Variants in GMDS observed in about 807,000 individuals in gnomAD.
GMDS encodes GDP-mannose 4,6 dehydratase.
In GMDS, 20 loss-of-function variants were observed where a neutral mutation model predicts 49.9. That is an observed-to-expected ratio of 0.40 (90% CI 0.28 to 0.58). GMDS has a LOEUF of 0.58. GMDS is among the 20% of genes least tolerant of loss of function. The pLI, the probability that GMDS is intolerant of heterozygous loss-of-function variation, is 0.42. For synonymous variants in GMDS, 177 were observed against 178.6 expected (o/e 0.99, Z 0.07); for missense variants, 362 against 481.4 (o/e 0.75, Z 2.32).
At chr6:1,981,085 A>C (rs1415079173) in intron 4 of GMDS, among the ~76,000 whole-genome samples, 1 of 152,198 alleles carries the variant, frequency 6.6e-6, no homozygotes, top group Non-Finnish European at 1.5e-5. Context: ...CACATCAAAA[A>C]GCTAGAAAGA....
chr6:2,192,658 C>T (rs769027128), intron 1 of GMDS, among the ~76,000 whole-genome samples: 2 of 152,188 alleles, frequency 1.3e-5, no homozygotes, highest in East Asian at 1.9e-4. Flanking sequence ...CTGGTCCAGC[C>T]GCAGCCTCAC....
chr6:1,940,663 G>A (rs1762780482), intron 6 of GMDS, among the ~76,000 whole-genome samples: 1 of 152,212 alleles, frequency 6.6e-6, no homozygotes, highest in Admixed American at 6.5e-5. Flanking sequence ...CTTAAAAGAG[G>A]ACAATTCACA....
intron 7 of GMDS, among the ~76,000 whole-genome samples, chr6:1,879,877 T>C (rs1180065536): frequency 1.3e-5 from 2 of 152,090 alleles, no homozygotes; most frequent in Non-Finnish European, 2.9e-5. Flanking sequence ...TGAACCCTGA[T>C]ACTGTATTTA....
chr6:2,081,036 T>C (rs1328099807), intron 4 of GMDS, among the ~76,000 whole-genome samples: 1 of 152,220 alleles, frequency 6.6e-6, no homozygotes, highest in Admixed American at 6.5e-5. Flanking sequence ...GGCCATTGTA[T>C]GGGCTCATAC....
chr6:2,149,200 A>G (rs1453252430), intron 1 of GMDS, among the ~76,000 whole-genome samples: 2 of 152,234 alleles, frequency 1.3e-5, no homozygotes, highest in East Asian at 1.9e-4. Flanking sequence ...CAGAAAAAAA[A>G]GGTAGGCAAC....
intron 7 of GMDS, among the ~76,000 whole-genome samples, chr6:1,810,078 C>G (rs542482552): frequency 7.2e-5 from 11 of 151,982 alleles, no homozygotes; most frequent in Admixed American, 7.2e-4. Context: ...GCCCCTGAGC[C>G]GGGGGTGGGG....
intron 6 of GMDS, among the ~76,000 whole-genome samples, chr6:1,952,982 C>T (rs771318087): frequency 6.6e-6 from 1 of 152,202 alleles, no homozygotes; most frequent in Non-Finnish European, 1.5e-5. Flanking sequence ...ACATCACCTC[C>T]TCAGTCAGTC....
intron 7 of GMDS, among the ~76,000 whole-genome samples, chr6:1,844,159 T>C (rs1352493887): frequency 1.3e-5 from 2 of 152,220 alleles, no homozygotes; most frequent in Non-Finnish European, 2.9e-5. Flanking sequence ...TAGGGCTTAT[T>C]ATCCCCAAAG....
intron 7 of GMDS, among the ~76,000 whole-genome samples, chr6:1,839,389 T>C (rs1040235448): frequency 2.6e-5 from 4 of 152,230 alleles, no homozygotes; most frequent in Non-Finnish European, 4.4e-5. Flanking sequence ...ATTACTAGCA[T>C]GATCCCTAAC....
chr6:1,810,041 A>G (rs1407845422), intron 7 of GMDS, among the ~76,000 whole-genome samples: 1 of 152,182 alleles, frequency 6.6e-6, no homozygotes, highest in South Asian at 2.1e-4. Context: ...ACGCAGCTCA[A>G]CTACACTGAG....
At chr6:1,889,944 C>T (rs889535675) in intron 7 of GMDS, among the ~76,000 whole-genome samples, 1 of 151,976 alleles carries the variant, frequency 6.6e-6, no homozygotes, top group Non-Finnish European at 1.5e-5. Flanking sequence ...TCCATTAGTG[C>T]TTTTTATGGT....
chr6:1,928,236 G>A (rs1025880525), intron 7 of GMDS, among the ~76,000 whole-genome samples: 3 of 152,132 alleles, frequency 2.0e-5, no homozygotes, highest in Middle Eastern at 3.4e-3. Context: ...GTCGTGGTAC[G>A]CGCCTGTAGT....
chr6:2,154,414 C>T (rs184748683), intron 1 of GMDS, among the ~76,000 whole-genome samples: 3 of 151,980 alleles, frequency 2.0e-5, no homozygotes, highest in Non-Finnish European at 4.4e-5. Context: ...TAATAATTTA[C>T]ATTAACTAAC....
intron 7 of GMDS, among the ~76,000 whole-genome samples, chr6:1,809,458 A>G (rs1179560602): frequency 1.3e-5 from 2 of 152,222 alleles, no homozygotes; most frequent in East Asian, 3.8e-4. Context: ...AAATTGCCAA[A>G]TATTGTCAAT....
At chr6:2,175,980 T>C in intron 1 of GMDS, 1 of 1,534,070 alleles carries the variant, frequency 6.5e-7, no homozygotes, top group Non-Finnish European at 8.7e-7. Context: ...CCCAACAAAC[T>C]GCCTGTGTAC....
intron 7 of GMDS, among the ~76,000 whole-genome samples, chr6:1,838,947 G>A (rs981330798): frequency 2.0e-5 from 3 of 152,188 alleles, no homozygotes; most frequent in Admixed American, 1.3e-4. Context: ...ACATGCCCAT[G>A]TAAGGATGCT....
Position 2,191,918 on chromosome 6 carries a change from G to C in GMDS, c.102+53403C>G, listed in dbSNP as rs1038402907. Among the ~76,000 whole-genome samples the C allele has an allele frequency of 1.3e-5, 2 of 152,296 alleles. No individual in the cohort carries two copies. The highest frequency in any genetic ancestry group is 4.1e-4 in the South Asian group (2 of 4,830). On this transcript the variant is annotated intron_variant, in intron 1 of 10. Coordinates refer to ENST00000380815, the MANE Select transcript of GMDS (RefSeq NM_001500.4). This position sits in a 1 kb window ranked among gnomAD's most constrained non-coding sequence, Gnocchi z 4.6. ...ACCAGTCCCACAGACCACACTGCAGGCTTATGGTGACTTTTCTGGGCCTGC... is the reference window on the plus strand; with the variant it reads ...ACCAGTCCCACAGACCACACTGCAGCCTTATGGTGACTTTTCTGGGCCTGC...
intron 1 of GMDS, among the ~76,000 whole-genome samples, chr6:2,144,629 A>T (rs1042631348): frequency 1.9e-4 from 29 of 152,236 alleles, no homozygotes; most frequent in Admixed American, 6.5e-5. Context: ...TGTATCTCAA[A>T]GGCATGCTCC....
chr6:1,886,458 G>A (rs1759612897), intron 7 of GMDS, among the ~76,000 whole-genome samples: 1 of 151,732 alleles, frequency 6.6e-6, no homozygotes, highest in South Asian at 2.1e-4. Flanking sequence ...CATTTACAGG[G>A]GCCTATAAAT....
Sources: allele counts gnomAD v4.1 joint callset (sites outside exome capture counted in the v4.1 genomes callset), GRCh38; gene constraint gnomAD v4.1.1; non-coding constraint Gnocchi (gnomAD v3.1); transcripts MANE v1.5; gene names NCBI Gene and HGNC (gene_info 2026-07-23, HGNC 2026-07-21).